Variants in FLRT2 observed in about 807,000 individuals in gnomAD.
FLRT2 encodes leucine-rich repeat transmembrane protein FLRT2.
In FLRT2, 15 loss-of-function variants were observed where a neutral mutation model predicts 40.0. That is an observed-to-expected ratio of 0.38 (90% CI 0.25 to 0.58). The LOEUF is 0.58. Among genes scored for constraint, FLRT2 ranks in the 20% least tolerant of loss-of-function variants. The pLI is 0.71. For missense variants in FLRT2, 726 were observed against 840.0 expected (o/e 0.86, Z 1.68); for synonymous variants, 380 against 336.8 (o/e 1.13, Z -1.41).
Position 85,530,339 on chromosome 14 carries a change from C to G in FLRT2, c.-572C>G, listed in dbSNP as rs1427586538. 2 of 152,676 alleles carry G rather than the reference C, an allele frequency of 1.3e-5. No individual in the cohort carries two copies. Among genetic ancestry groups the G allele is most frequent in the Non-Finnish European group, 2.9e-5 (2 of 68,108 alleles). 9.5% of individuals were successfully genotyped at this position (152,676 alleles called of 1,614,324 possible). A position where few individuals can be genotyped will look rare whatever the true frequency, so the allele number is the denominator to read the frequency against. ...AGCGGCGAGGCGGCATCTCCGCTCC[C>G]GCCGCCGTGTCCACCGAGCCCTGGG... is the stretch of plus-strand genomic sequence containing the variant. On this transcript the variant is annotated 5_prime_UTR_variant, in exon 1 of 2. Coordinates refer to ENST00000330753, the MANE Select transcript of FLRT2 (RefSeq NM_013231.6).
At position 85,605,988 on chromosome 14, in the gene FLRT2, T is replaced by TC. The variant is rs531788573; in HGVS notation, c.-376-15146dup. ...TTTGTAAGATTCTCTTTTCCCTACTTCCCCCTCCCCCGCATATACCAGCAA... is the reference window on the plus strand; with the variant it reads ...TTTGTAAGATTCTCTTTTCCCTACTTCCCCCCTCCCCCGCATATACCAGCAA... On this transcript the variant is annotated intron_variant, in intron 1 of 1. Coordinates refer to ENST00000330753, the MANE Select transcript of FLRT2 (RefSeq NM_013231.6). Among the ~76,000 whole-genome samples, 241 of 152,132 alleles carry TC rather than the reference T, an allele frequency of 1.6e-3. 1 individual carries two copies. Among genetic ancestry groups the TC allele is most frequent in the Non-Finnish European group, 2.8e-3 (190 of 68,004 alleles).
intron 1 of FLRT2, among the ~76,000 whole-genome samples, chr14:85,602,684 G>T (rs1356867713): frequency 6.6e-6 from 1 of 152,120 alleles, no homozygotes; most frequent in Non-Finnish European, 1.5e-5. Flanking sequence ...AGTGATTTTT[G>T]CCCTGTTAAC....
In FLRT2 at chr14:85,541,523, T is replaced by C. The variant is rs577102476; in HGVS notation, c.-377+10989T>C. 2.0e-5 allele frequency among the ~76,000 whole-genome samples: 3 copies of C among 152,316 alleles called. No individual in the cohort carries two copies. In the East Asian group the frequency reaches 5.8e-4, roughly 29 times the overall value. The stretch of plus-strand genomic sequence containing the variant: ...TGGACAGTCTTACTCTTTGTCTCCT[T>C]AAGTAGAAAATGGAGGAAAATGGAG... On this transcript the variant is annotated intron_variant, in intron 1 of 1. Coordinates refer to ENST00000330753, the MANE Select transcript of FLRT2 (RefSeq NM_013231.6).
At chr14:85,591,471 T>G (rs766234530) in intron 1 of FLRT2, among the ~76,000 whole-genome samples, 10 of 152,212 alleles carry the variant, frequency 6.6e-5, no homozygotes, top group Non-Finnish European at 1.5e-4. Flanking sequence ...AGTATAGATA[T>G]GTTTGAAGTA....
intron 1 of FLRT2, among the ~76,000 whole-genome samples, chr14:85,615,164 G>T (rs1246303416): frequency 6.6e-6 from 1 of 152,174 alleles, no homozygotes; most frequent in Non-Finnish European, 1.5e-5. Flanking sequence ...TGCAGTTCCA[G>T]ATTTTAAAGG....
chr14:85,598,977 G>A (rs995014645), intron 1 of FLRT2, among the ~76,000 whole-genome samples: 1 of 146,902 alleles, frequency 6.8e-6, no homozygotes, highest in Non-Finnish European at 1.5e-5. Context: ...GAGTGCAGTG[G>A]CACAGTCTTG....
Position 85,630,025 on chromosome 14 carries a change from G to A in FLRT2, c.*6528G>A, listed in dbSNP as rs971055940. 6.6e-6 allele frequency: 1 copy of A among 152,164 alleles called. No individual in the cohort carries two copies. The highest frequency in any genetic ancestry group is 1.5e-5 in the Non-Finnish European group (1 of 68,026). The allele number at this position is 152,164 out of a possible 1,614,324, so 9.4% of individuals were successfully genotyped here. ...AGGAATGAATTTGTTTCGTACTTGAGATGTTGCTCTAAGTATTTTGTAGAT... is the reference window on the plus strand; with the variant it reads ...AGGAATGAATTTGTTTCGTACTTGAAATGTTGCTCTAAGTATTTTGTAGAT... On this transcript the variant is annotated 3_prime_UTR_variant, in exon 2 of 2. Coordinates refer to ENST00000330753, the MANE Select transcript of FLRT2 (RefSeq NM_013231.6).
At chr14:85,619,988 A>AC (rs1351400376) in intron 1 of FLRT2, among the ~76,000 whole-genome samples, 1 of 152,174 alleles carries the variant, frequency 6.6e-6, no homozygotes, top group Non-Finnish European at 1.5e-5. Context: ...CCTAGTCGTG[A>AC]GCTTGGCAAC....
At position 85,643,793 on chromosome 14, in the gene FLRT2, G is replaced by C. The variant is rs1163642936; in HGVS notation, c.*20296G>C. On this transcript the variant is annotated 3_prime_UTR_variant, in exon 2 of 2. Coordinates refer to ENST00000330753, the MANE Select transcript of FLRT2 (RefSeq NM_013231.6). Reference sequence around the variant, plus strand: ...ATGCTGCCCACAAAATGTGCTCCCTGTTTAAGTGGGGTTGGTGGAATCCTG... The same window carrying C: ...ATGCTGCCCACAAAATGTGCTCCCTCTTTAAGTGGGGTTGGTGGAATCCTG... 1.3e-5 allele frequency: 2 copies of C among 151,806 alleles called. No individual in the cohort carries two copies. Among genetic ancestry groups the C allele is most frequent in the Non-Finnish European group, 2.9e-5 (2 of 67,942 alleles). The allele number at this position is 151,806 out of a possible 1,614,324, so 9.4% of individuals were successfully genotyped here.
At chr14:85,560,170 A>G (rs543791559) in intron 1 of FLRT2, among the ~76,000 whole-genome samples, 1 of 152,180 alleles carries the variant, frequency 6.6e-6, no homozygotes, top group South Asian at 2.1e-4. Context: ...TTTACATCCT[A>G]CTGGGTGAGG....
At position 85,621,958 on chromosome 14, in the gene FLRT2, G is replaced by C. The variant is rs1333778886; in HGVS notation, c.444G>C (p.Val148=). 1.9e-6 allele frequency: 3 copies of C among 1,601,068 alleles called. No homozygotes were observed. Among genetic ancestry groups the C allele is most frequent in the Non-Finnish European group, 2.6e-6 (3 of 1,173,550 alleles). ...TGGATGACAACTCCATATCCACAGT[G>C]GGGGTGGAAGACGGGGCCTTCCGGG... is the stretch of plus-strand genomic sequence containing the variant. ...LHLDDNSIST[V]GVEDGAFREA... The change falls in exon 2 of 2, where the codon GTG becomes GTC. Residue 148 remains valine, a synonymous_variant. Transcript: ENST00000330753.
rs1566775616 is a variant in FLRT2 at position 85,647,268 on chromosome 14, A to G, written c.*23771A>G. The G allele has an allele frequency of 6.6e-6, 1 of 152,140 alleles. No homozygotes were observed. The highest frequency in any genetic ancestry group is 1.9e-4 in the East Asian group (1 of 5,198). The allele number at this position is 152,140 out of a possible 1,614,324, so 9.4% of individuals were successfully genotyped here. A position where few individuals can be genotyped will look rare whatever the true frequency, so the allele number is the denominator to read the frequency against. On this transcript the variant is annotated 3_prime_UTR_variant, in exon 2 of 2. Transcript: ENST00000330753. ...CATACTTATTTTACCTTTGCTTAAT[A>G]TGCCTTATAGTTTACTAACTTACTT...
intron 1 of FLRT2, among the ~76,000 whole-genome samples, chr14:85,614,685 G>T (rs1893046675): frequency 6.6e-6 from 1 of 152,116 alleles, no homozygotes; most frequent in Non-Finnish European, 1.5e-5. Context: ...CAGGGGTGGG[G>T]CCCAGAAACC....
intron 1 of FLRT2, among the ~76,000 whole-genome samples, chr14:85,531,931 T>C (rs115023261): frequency 0.012 from 1,862 of 152,212 alleles, 37 homozygotes; most frequent in African/African-American, 0.042. Context: ...TGCGTCTGGG[T>C]GGATCCTTGC....
chr14:85,579,044 G>A (rs114939718), intron 1 of FLRT2, among the ~76,000 whole-genome samples: 3,230 of 152,282 alleles, frequency 0.021, 66 homozygotes, highest in African/African-American at 0.051. Context: ...GTTTTGAGAC[G>A]ACTGGTGTCT....
intron 1 of FLRT2, among the ~76,000 whole-genome samples, chr14:85,582,684 A>G (rs529435982): frequency 6.6e-6 from 1 of 152,230 alleles, no homozygotes; most frequent in African/African-American, 2.4e-5. Context: ...TGCCATTATA[A>G]TCATTACTAT....
At position 85,621,785 on chromosome 14, in the gene FLRT2, C is replaced by A; in HGVS notation, c.271C>A (p.His91Asn). 1.2e-6 allele frequency: 2 copies of A among 1,614,206 alleles called. No individual in the cohort carries two copies. The highest frequency in any genetic ancestry group is 1.7e-6 in the Non-Finnish European group (2 of 1,180,036). The change falls in exon 2 of 2, where the codon CAC becomes AAC. Residue 91 changes from histidine (H) to asparagine (N), a missense_variant. Physicochemically the swap from His to Asn is moderately conservative, Grantham distance 68. This residue lies in a region of FLRT2 where 106 missense variants were observed against 121.2 expected (regional missense o/e 0.87). Transcript: ENST00000330753. ...AGAACTGCACAATGTACAGTCGGTG[C>A]ACACGGTCTACCTGTATGGCAACCA... ...PAELHNVQSV[H>N]TVYLYGNQLD...
chr14:85,650,269 A>G lies in FLRT2; in HGVS notation c.*26772A>G, dbSNP rs996025665. On this transcript the variant is annotated 3_prime_UTR_variant, in exon 2 of 2. Coordinates refer to ENST00000330753, the MANE Select transcript of FLRT2 (RefSeq NM_013231.6). The stretch of plus-strand genomic sequence containing the variant: ...AATATCCTGTTGTCGAAACATTTCC[A>G]TGTTCCTTTAATTCATTCATTGGCA... 1 of 151,928 alleles carries G rather than the reference A, an allele frequency of 6.6e-6. No homozygotes were observed. Among genetic ancestry groups the G allele is most frequent in the African/African-American group, 2.4e-5 (1 of 41,390 alleles). The allele number at this position is 151,928 out of a possible 1,614,324, so 9.4% of individuals were successfully genotyped here.
rs937802322 is a variant in FLRT2, at chr14:85,653,376, T to C, written c.*29879T>C. ...TGGCTAGTCACACCTGGGTGACCAA[T>C]ATCCGGAGGCTCTACGTCAAGTCAT... On this transcript the variant is annotated 3_prime_UTR_variant, in exon 2 of 2. Transcript: ENST00000330753. 2.0e-5 allele frequency: 3 copies of C among 152,124 alleles called. No homozygotes were observed. Among genetic ancestry groups the C allele is most frequent in the African/African-American group, 4.8e-5 (2 of 41,438 alleles). 9.4% of individuals were successfully genotyped at this position (152,124 alleles called of 1,614,324 possible). A position where few individuals can be genotyped will look rare whatever the true frequency, so the allele number is the denominator to read the frequency against.
Sources: gnomAD v4.1 joint callset for allele counts (sites outside exome capture counted in the v4.1 genomes callset) on GRCh38, gnomAD v4.1.1 for gene constraint, gnomAD v4.1.1 regional missense constraint, MANE v1.5 for transcripts, NCBI Gene and HGNC (gene_info 2026-07-23, HGNC 2026-07-21) for gene names.